Variants in GRIN2D observed in about 807,000 individuals in gnomAD.
GRIN2D encodes glutamate receptor ionotropic, NMDA 2D.
GRIN2D carries 37 observed loss-of-function variants against 103.2 expected under a neutral mutation model. The ratio of observed to expected loss-of-function variants is 0.36; its 90% confidence interval spans 0.28 to 0.47. The LOEUF (loss-of-function observed/expected upper bound fraction) is 0.47, where lower values mean the gene tolerates loss of function less well. Among genes scored for constraint, GRIN2D ranks in the 20% least tolerant of loss-of-function variants. GRIN2D has a pLI of 1.00. For missense variants in GRIN2D, 1,557 were observed against 1,910.6 expected (o/e 0.81, Z 3.45); for synonymous variants, 845 against 885.6 (o/e 0.95, Z 0.81).
chr19:48,420,553 C>G (rs985526491), intron 10 of GRIN2D, among the ~76,000 whole-genome samples: 1 of 152,052 alleles, frequency 6.6e-6, no homozygotes, highest in Non-Finnish European at 1.5e-5. Context: ...TGGCCAGGAA[C>G]GGTGGCTCAC....
intron 7 of GRIN2D, 41 bp downstream of exon 7, chr19:48,415,073 G>A (rs768999808): frequency 6.5e-7 from 1 of 1,529,162 alleles, no homozygotes; most frequent in Non-Finnish European, 8.9e-7. Flanking sequence ...TCGGGGCGGA[G>A]TCGAGAGGCG....
intron 3 of GRIN2D, among the ~76,000 whole-genome samples, chr19:48,401,070 G>C (rs1329903483): frequency 7.1e-6 from 1 of 140,080 alleles, no homozygotes; most frequent in Non-Finnish European, 1.5e-5. Flanking sequence ...GGGACAGAGT[G>C]AGACTGTTCT....
chr19:48,406,386 G>A (rs985632618), intron 4 of GRIN2D, among the ~76,000 whole-genome samples: 13 of 152,220 alleles, frequency 8.5e-5, no homozygotes, highest in African/African-American at 3.1e-4. Context: ...CATCTCCACG[G>A]TAGGAAGCTC....
chr19:48,413,646 A>AGCAAGAC (rs1300203579), intron 4 of GRIN2D, among the ~76,000 whole-genome samples: 1 of 125,534 alleles, frequency 8.0e-6, no homozygotes, highest in Admixed American at 9.3e-5. Context: ...TGGGAGACAG[A>AGCAAGAC]GCAAGACTCT....
chr19:48,430,826 T>A (rs1306615350), intron 11 of GRIN2D, among the ~76,000 whole-genome samples: 1 of 149,678 alleles, frequency 6.7e-6, no homozygotes, highest in Non-Finnish European at 1.5e-5. Flanking sequence ...TTTTTCTTTT[T>A]TTTTTTTTTT....
rs750359083 is a variant in GRIN2D, at chr19:48,405,152, C to T, written c.884C>T (p.Pro295Leu). The T allele has an allele frequency of 1.4e-4, 218 of 1,574,768 alleles. No individual in the cohort carries two copies. The highest frequency in any genetic ancestry group is 9.0e-4 in the Middle Eastern group (5 of 5,538). The change falls in exon 4 of 14, where the codon CCA becomes CTA. Residue 295 changes from proline to leucine, a missense_variant. Coordinates refer to ENST00000263269, the MANE Select transcript of GRIN2D (RefSeq NM_000836.4). The surrounding 1 kb of genome is among the most constrained non-coding windows in gnomAD (Gnocchi z 5.1). ...SGAPGEPPLL[P>L]GGAPLPAGLF... ...GCCCCTGGTGAGCCCCCTCTTCTGC[C>T]AGGAGGCGCCCCCCTGCCTGCCGGG...
At chr19:48,407,844 A>G (rs1280319467) in intron 4 of GRIN2D, among the ~76,000 whole-genome samples, 1 of 152,204 alleles carries the variant, frequency 6.6e-6, no homozygotes, top group Non-Finnish European at 1.5e-5. Context: ...GGGCTATGCT[A>G]GGTGGGGTGG....
chr19:48,432,293 G>A (rs1453456254), intron 11 of GRIN2D, among the ~76,000 whole-genome samples: 4 of 148,998 alleles, frequency 2.7e-5, no homozygotes, highest in Non-Finnish European at 4.5e-5. Flanking sequence ...GGGCTCAAGC[G>A]ATCCTCCTGC....
At chr19:48,437,630 C>T (rs765315059) in intron 11 of GRIN2D, among the ~76,000 whole-genome samples, 14 of 152,150 alleles carry the variant, frequency 9.2e-5, no homozygotes, top group African/African-American at 1.4e-4. Context: ...CTTCCACTCC[C>T]GCTTGTCCTC....
chr19:48,398,287 T>C, intron 2 of GRIN2D, 80 bp from the exon 3 acceptor site: 1 of 488,950 alleles, frequency 2.0e-6, no homozygotes, highest in Non-Finnish European at 2.7e-6. Flanking sequence ...TCTGTGCGTC[T>C]CTTTATCTCG....
Position 48,443,195 on chromosome 19 carries a change from C to G in GRIN2D, c.3269C>G (p.Pro1090Arg). 8.5e-7 allele frequency: 1 copy of G among 1,176,760 alleles called. No homozygotes were observed. The highest frequency in any genetic ancestry group is 1.1e-6 in the Non-Finnish European group (1 of 942,478). The allele number at this position is 1,176,760 out of a possible 1,614,324, so 72.9% of individuals were successfully genotyped here. ...ACGGGGGGCGCAGGCGGAGGAGCCCCGGCCGCTCCGCCCCCGTGCCGCGCC... is the reference window on the plus strand; with the variant it reads ...ACGGGGGGCGCAGGCGGAGGAGCCCGGGCCGCTCCGCCCCCGTGCCGCGCC... ...GGTGGAGGGA[P>R]AAPPPCRAAP... is the part of the protein sequence containing the mutation. The change falls in exon 14 of 14, where the codon CCG (proline) becomes CGG (arginine). Residue 1090 changes from proline to arginine, a missense_variant. Pro to Arg is a moderately radical substitution (Grantham distance 103). This residue lies in a region of GRIN2D where 632 missense variants were observed against 572.8 expected (regional missense o/e 1.10). Coordinates refer to ENST00000263269, the MANE Select transcript of GRIN2D (RefSeq NM_000836.4). This position sits in a 1 kb window ranked among gnomAD's most constrained non-coding sequence, Gnocchi z 8.9.
chr19:48,413,470 C>T (rs865813365), intron 4 of GRIN2D, among the ~76,000 whole-genome samples: 6 of 151,832 alleles, frequency 4.0e-5, no homozygotes, highest in Non-Finnish European at 8.8e-5. Flanking sequence ...CAGAGCAAGA[C>T]TCTGTCTCAA....
intron 11 of GRIN2D, 119 bp from the exon 12 acceptor site, chr19:48,441,650 A>C: frequency 1.4e-6 from 1 of 733,112 alleles, no homozygotes; most frequent in Non-Finnish European, 2.2e-6. Flanking sequence ...GATTTGCTCA[A>C]GAGCTCAGGG....
intron 11 of GRIN2D, among the ~76,000 whole-genome samples, chr19:48,433,291 G>A (rs988108283): frequency 4.8e-4 from 73 of 151,884 alleles, no homozygotes; most frequent in African/African-American, 1.6e-3. Context: ...CTTGAACCCG[G>A]GAGGTGGAGG....
intron 4 of GRIN2D, among the ~76,000 whole-genome samples, chr19:48,412,846 A>AAG (rs1403772295): frequency 6.7e-5 from 10 of 148,738 alleles, no homozygotes; most frequent in African/African-American, 2.5e-4. Flanking sequence ...AAAAAAAAGA[A>AAG]AGAGGAGGGC....
chr19:48,399,879 GGGGGC>G, intron 3 of GRIN2D, among the ~76,000 whole-genome samples: 1 of 151,794 alleles, frequency 6.6e-6, no homozygotes. Context: ...CTAGCCAGTT[GGGGGC>G]GGGGCCAGCG....
chr19:48,400,361 T>C (rs1301202614), intron 3 of GRIN2D, among the ~76,000 whole-genome samples: 2 of 152,220 alleles, frequency 1.3e-5, no homozygotes, highest in African/African-American at 4.8e-5. Context: ...GCATCACTGT[T>C]GTATGCAGAG....
chr19:48,441,374 A>AG (rs2147474404), intron 11 of GRIN2D, among the ~76,000 whole-genome samples: 1 of 151,332 alleles, frequency 6.6e-6, no homozygotes, highest in African/African-American at 2.4e-5. Context: ...AAAAAAAAAA[A>AG]AAAAAAAAAA....
Position 48,405,301 on chromosome 19 carries a change from G to A in GRIN2D, c.1033G>A (p.Gly345Ser), listed in dbSNP as rs766340946. 1.7e-5 allele frequency: 28 copies of A among 1,601,730 alleles called. 1 individual carries two copies. In the South Asian group the frequency reaches 2.2e-4, roughly 13 times the overall value. The change falls in exon 4 of 14, where the codon GGC becomes AGC. Residue 345 changes from glycine (G) to serine (S), a missense_variant. By Grantham distance (56) the Gly-to-Ser change is moderately conservative. This residue lies in a region of GRIN2D where 490 missense variants were observed against 601.1 expected (regional missense o/e 0.82). Coordinates refer to ENST00000263269, the MANE Select transcript of GRIN2D (RefSeq NM_000836.4). The surrounding 1 kb of genome is among the most constrained non-coding windows in gnomAD (Gnocchi z 5.1). ...TGATTATGGTTTCCTTCCTGAGCTCGGCCACGACTGTCGCGCCCAGAACCG... is the reference window on the plus strand; with the variant it reads ...TGATTATGGTTTCCTTCCTGAGCTCAGCCACGACTGTCGCGCCCAGAACCG... ...LRDYGFLPEL[G>S]HDCRAQNRTH...
Sources: gnomAD v4.1 joint callset for allele counts (sites outside exome capture counted in the v4.1 genomes callset) on GRCh38, gnomAD v4.1.1 for gene constraint, gnomAD v4.1.1 regional missense constraint, Gnocchi (gnomAD v3.1) non-coding constraint, MANE v1.5 for transcripts, NCBI Gene and HGNC (gene_info 2026-07-23, HGNC 2026-07-21) for gene names.